PAEP: variants seen among roughly 807,000 people sequenced by gnomAD.
PAEP encodes progestagen associated endometrial protein, also known as glycodelin.
Under a neutral mutation model 23.0 loss-of-function variants are expected in PAEP, and 28 were observed. The observed-to-expected ratio is 1.22, with a 90% confidence interval of 0.90 to 1.67. The LOEUF (loss-of-function observed/expected upper bound fraction) is 1.67. Ranked by LOEUF, PAEP falls within the 40% of genes most tolerant of loss-of-function variation. The probability of loss-of-function intolerance (pLI) is 0.00; values close to 1 mark genes in which losing one functional copy is unlikely to be tolerated. For synonymous variants in PAEP, 103 were observed against 92.4 expected (o/e 1.12, Z -0.66); for missense variants, 209 against 226.4 (o/e 0.92, Z 0.49).
chr9:135,562,873 C>T lies in PAEP; in HGVS notation c.290C>T (p.Pro97Leu). The change falls in exon 3 of 7, where the codon CCA (proline) becomes CTA (leucine). Residue 97 changes from proline (P) to leucine (L), a missense_variant. Coordinates refer to ENST00000479141, the MANE Select transcript of PAEP (RefSeq NM_002571.4). ...GTCCTTGGAGAGAAGACTGAGAATC[C>T]AAAGAAGTTCAAGATCAACTGTGAG... ...KKVLGEKTEN[P>L]KKFKINYTVA... 1 of 1,613,698 alleles carries T rather than the reference C, an allele frequency of 6.2e-7. No homozygotes were observed. Among genetic ancestry groups the T allele is most frequent in the Non-Finnish European group, 8.5e-7 (1 of 1,179,654 alleles).
chr9:135,562,113 C>T (rs940210162), intron 1 of PAEP, among the ~76,000 whole-genome samples, 181 bp from the exon 2 acceptor site: 3 of 152,180 alleles, frequency 2.0e-5, no homozygotes, highest in African/African-American at 7.2e-5. Context: ...TGGAACACTC[C>T]TGAGTTAGCA....
In PAEP at chr9:135,561,831, G is replaced by A; in HGVS notation, c.30G>A (p.Val10=). The A allele has an allele frequency of 3.8e-6, 6 of 1,559,922 alleles. No individual in the cohort carries two copies. Among genetic ancestry groups the A allele is most frequent in the Non-Finnish European group, 5.2e-6 (6 of 1,151,280 alleles). ...TGTGCCTCCTGCTCACCCTGGGCGTGGCCCTGGTCTGTGGTGTCCCGGCCA... is the reference window on the plus strand; with the variant it reads ...TGTGCCTCCTGCTCACCCTGGGCGTAGCCCTGGTCTGTGGTGTCCCGGCCA... MLCLLLTLG[V]ALVCGVPAMD... Residue 10 remains valine, a synonymous_variant, in exon 1 of 7, where the codon GTG becomes GTA. Coordinates refer to ENST00000479141, the MANE Select transcript of PAEP (RefSeq NM_002571.4).
chr9:135,564,640 AT>A, intron 4 of PAEP: 1 of 536,590 alleles, frequency 1.9e-6, no homozygotes, highest in Non-Finnish European at 2.4e-6. Flanking sequence ...AGTAGCTGGG[AT>A]TACAGGCGCA....
chr9:135,562,308 G>A lies in PAEP; in HGVS notation c.111G>A (p.Trp37Ter). The A allele has an allele frequency of 6.2e-7, 1 of 1,613,844 alleles. No individual in the cohort carries two copies. ...DLELPKLAGT[W>*]HSMAMATNNI... The stretch of plus-strand genomic sequence containing the variant: ...GGCCCCCTCAGTTGGCAGGGACCTG[G>A]CACTCCATGGCCATGGCGACCAACA... The change falls in exon 2 of 7, where the codon TGG becomes TGA. Residue 37 changes from tryptophan (W) to a stop codon, truncating the protein, a stop_gained. Coordinates refer to ENST00000479141, the MANE Select transcript of PAEP (RefSeq NM_002571.4). LOFTEE classifies it high-confidence loss of function.
rs199930378 is a variant in PAEP at position 135,562,465 on chromosome 9, G to A, written c.236+32G>A. The A allele has an allele frequency of 8.0e-5, 129 of 1,605,028 alleles. No individual in the cohort carries two copies. In the Admixed American group the frequency reaches 1.8e-3, roughly 22 times the overall value. ...TTCTCATCATTGAGACGGGCTGGGC[G>A]GGGGCTCAGTCTCCCCCCTCAGGGG... On this transcript the variant is annotated intron_variant, in intron 2 of 6. Coordinates refer to ENST00000479141, the MANE Select transcript of PAEP (RefSeq NM_002571.4).
chr9:135,565,569 C>T (rs1002718377), intron 5 of PAEP, 55 bp downstream of exon 5: 8 of 1,533,890 alleles, frequency 5.2e-6, no homozygotes, highest in Middle Eastern at 3.4e-4. Context: ...CTGCCTCTTT[C>T]TTAGCCCGAG....
intron 2 of PAEP, 85 bp from the exon 3 acceptor site, chr9:135,562,735 T>C: frequency 8.6e-7 from 1 of 1,163,284 alleles, no homozygotes; most frequent in Non-Finnish European, 1.3e-6. Context: ...CCCGGGGAAG[T>C]TCCCGTGGTG....
At chr9:135,561,973 C>T in intron 1 of PAEP, 76 bp downstream of exon 1, 2 of 1,142,312 alleles carry the variant, frequency 1.8e-6, no homozygotes, top group Non-Finnish European at 2.5e-6. Flanking sequence ...GCAGGAAGCC[C>T]AGGATCTCAG....
At position 135,565,409 on chromosome 9, in the gene PAEP, G is replaced by A. The variant is rs775336705; in HGVS notation, c.422-1G>A. The A allele has an allele frequency of 1.9e-6, 3 of 1,613,736 alleles. No individual in the cohort carries two copies. Among genetic ancestry groups the A allele is most frequent in the Non-Finnish European group, 8.5e-7 (1 of 1,179,616 alleles). ...CAGGACTGACCCAGCCTCTTCCACA[G>A]CCAGAGTCCTGGTGGAGGACGATGA... On this transcript the variant is annotated splice_acceptor_variant, in intron 4 of 6. Coordinates refer to ENST00000479141, the MANE Select transcript of PAEP (RefSeq NM_002571.4). LOFTEE classifies it high-confidence loss of function.
rs780143041 is a variant in PAEP at position 135,565,800 on chromosome 9, A to G, written c.542A>G (p.Ter181TrpextTer69). 6.2e-7 allele frequency: 1 copy of G among 1,614,020 alleles called. No homozygotes were observed. Among genetic ancestry groups the G allele is most frequent in the South Asian group, 1.1e-5 (1 of 91,078 alleles). ...LKQMEEPCRF[*>W] Reference sequence around the variant, plus strand: ...CCTCCCACAGAGCCGTGCCGTTTCTAGGTGAGCTCCTGCCTGGTCCTGCCT... The same window carrying G: ...CCTCCCACAGAGCCGTGCCGTTTCTGGGTGAGCTCCTGCCTGGTCCTGCCT... The change falls in exon 6 of 7, where the codon TAG becomes TGG. Residue 181 changes from the stop codon to tryptophan, a stop_lost and splice_region_variant. Coordinates refer to ENST00000479141, the MANE Select transcript of PAEP (RefSeq NM_002571.4).
At position 135,562,321 on chromosome 9, in the gene PAEP, A is replaced by G. The variant is rs759219085; in HGVS notation, c.124A>G (p.Met42Val). Residue 42 changes from methionine to valine, a missense_variant, in exon 2 of 7, where the codon ATG becomes GTG. Transcript: ENST00000479141. ...KLAGTWHSMA[M>V]ATNNISLMAT... The stretch of plus-strand genomic sequence containing the variant: ...GGCAGGGACCTGGCACTCCATGGCC[A>G]TGGCGACCAACAACATCTCCCTCAT... The G allele has an allele frequency of 1.9e-6, 3 of 1,614,076 alleles. No homozygotes were observed. The highest frequency in any genetic ancestry group is 1.7e-5 in the Admixed American group (1 of 60,012).
chr9:135,565,253 G>A (rs1239367955), intron 4 of PAEP, 157 bp from the exon 5 acceptor site: 12 of 643,218 alleles, frequency 1.9e-5, no homozygotes, highest in East Asian at 8.3e-5. Flanking sequence ...ACAGAGCCCC[G>A]GAGACCGCCC....
intron 2 of PAEP, 109 bp downstream of exon 2, chr9:135,562,542 G>A: frequency 7.4e-7 from 1 of 1,355,942 alleles, no homozygotes; most frequent in Non-Finnish European, 1.0e-6. Flanking sequence ...GGCATTTTCT[G>A]ACAGCCAGGG....
Position 135,566,940 on chromosome 9 carries a change from G to C in PAEP, c.*388G>C, listed in dbSNP as rs1209193950. 1.3e-5 allele frequency: 2 copies of C among 152,148 alleles called. No homozygotes were observed. The highest frequency in any genetic ancestry group is 2.9e-5 in the Non-Finnish European group (2 of 68,020). 9.4% of individuals were successfully genotyped at this position (152,148 alleles called of 1,614,324 possible). A position where few individuals can be genotyped will look rare whatever the true frequency, so the allele number is the denominator to read the frequency against. ...AAGTTTCTTATCTACAAAACAAAAG[G>C]GTCCACTTTCACAAACTTGTGAAAT... is the stretch of plus-strand genomic sequence containing the variant. On this transcript the variant is annotated 3_prime_UTR_variant, in exon 7 of 7. Coordinates refer to ENST00000479141, the MANE Select transcript of PAEP (RefSeq NM_002571.4).
At chr9:135,562,726 C>A in intron 2 of PAEP, 94 bp from the exon 3 acceptor site, 4 of 1,066,392 alleles carry the variant, frequency 3.8e-6, no homozygotes, top group Non-Finnish European at 4.3e-6. Context: ...CTCCTTGGAC[C>A]CGGGGAAGTT....
Position 135,562,434 on chromosome 9 carries a change from G to A in PAEP, c.236+1G>A. 2 of 1,613,500 alleles carry A rather than the reference G, an allele frequency of 1.2e-6. No individual in the cohort carries two copies. The highest frequency in any genetic ancestry group is 1.7e-6 in the Non-Finnish European group (2 of 1,179,710). On this transcript the variant is annotated splice_donor_variant, in intron 2 of 6. Coordinates refer to ENST00000479141, the MANE Select transcript of PAEP (RefSeq NM_002571.4). LOFTEE classifies it high-confidence loss of function. ...ACCTGGAGATCGTTCTGCACAGATG[G>A]TGGGTTTCTCATCATTGAGACGGGC...
intron 3 of PAEP, among the ~76,000 whole-genome samples, chr9:135,563,586 G>C (rs1026823166): frequency 6.6e-6 from 1 of 152,018 alleles, no homozygotes; most frequent in South Asian, 2.1e-4. Context: ...TGCCTCCTGC[G>C]CACTCTGGGG....
rs758335767 is a variant in PAEP at position 135,565,816 on chromosome 9, G to A, written c.*15G>A. ...GCCGTTTCTAGGTGAGCTCCTGCCT[G>A]GTCCTGCCTCCTGGGTAATGTATCA... On this transcript the variant is annotated intron_variant, in intron 6 of 6. Transcript: ENST00000479141. 4 of 1,614,038 alleles carry A rather than the reference G, an allele frequency of 2.5e-6. No individual in the cohort carries two copies. The South Asian group carries it at 4.4e-5, about 18-fold the overall frequency.
intron 6 of PAEP, chr9:135,566,168 C>T: frequency 5.1e-6 from 1 of 194,774 alleles, no homozygotes. Flanking sequence ...GTCCCACGTT[C>T]TTTTTTTTTT....
Sources: allele counts gnomAD v4.1 joint callset (sites outside exome capture counted in the v4.1 genomes callset), GRCh38; gene constraint gnomAD v4.1.1; transcripts MANE v1.5; gene names NCBI Gene and HGNC (gene_info 2026-07-23, HGNC 2026-07-21).